The following MYL7 variants were observed in gnomAD, a reference collection of about 807,000 sequenced individuals.
MYL7 encodes myosin light chain 7.
In MYL7, 27 loss-of-function variants were observed where a neutral mutation model predicts 22.5. The ratio of observed to expected loss-of-function variants is 1.20; its 90% CI spans 0.89 to 1.66. The LOEUF (loss-of-function observed/expected upper bound fraction) is 1.66. Ranked by LOEUF, MYL7 falls within the 40% of genes most tolerant of loss-of-function variation. The probability of loss-of-function intolerance (pLI) is 0.00; values close to 1 mark genes in which losing one functional copy is unlikely to be tolerated. For synonymous variants in MYL7, 81 were observed against 84.4 expected (o/e 0.96, Z 0.22); for missense variants, 209 against 226.8 (o/e 0.92, Z 0.50).
intron 4 of MYL7, 120 bp from the exon 5 acceptor site, chr7:44,139,980 A>C: frequency 1.1e-6 from 1 of 887,650 alleles, no homozygotes; most frequent in Non-Finnish European, 1.7e-6. Flanking sequence ...GTATTCCCTA[A>C]CATAAAATGT....
chr7:44,139,849 C>T lies in MYL7; in HGVS notation c.310G>A (p.Glu104Lys), dbSNP rs200647444. Residue 104 changes from glutamate (E) to lysine (K), a missense_variant, in exon 5 of 7, where the codon GAG becomes AAG. Coordinates refer to ENST00000223364, the MANE Select transcript of MYL7 (RefSeq NM_021223.3). Reference protein sequence around the residue: ...FGEKLNGTDPEEAILSAFRMF... With the variant: ...FGEKLNGTDPKEAILSAFRMF... ...CGGAAGGCACTCAGGATGGCTTCCT[C>T]GGGGTCTGTCCCTGGAAGGCCGAGG... The T allele has an allele frequency of 5.2e-5, 83 of 1,608,664 alleles. No individual in the cohort carries two copies. Among genetic ancestry groups the T allele is most frequent in the Non-Finnish European group, 4.1e-5 (48 of 1,178,850 alleles).
intron 6 of MYL7, 98 bp downstream of exon 6, chr7:44,139,423 C>G: frequency 1.5e-6 from 2 of 1,371,898 alleles, no homozygotes; most frequent in Non-Finnish European, 1.0e-6. Flanking sequence ...TCGGCTCACC[C>G]TTCCAGCAAC....
intron 3 of MYL7, 141 bp downstream of exon 3, chr7:44,140,571 G>T: frequency 8.8e-7 from 1 of 1,140,370 alleles, no homozygotes; most frequent in Non-Finnish European, 1.2e-6. Flanking sequence ...AGCAAGGCGT[G>T]ACAAGGGGGG....
At position 44,140,806 on chromosome 7, in the gene MYL7, C is replaced by T. The variant is rs1367203027; in HGVS notation, c.118-19G>A. The T allele has an allele frequency of 5.0e-6, 8 of 1,607,332 alleles. No individual in the cohort carries two copies. In the African/African-American group the frequency reaches 1.1e-4, roughly 22 times the overall value. On this transcript the variant is annotated intron_variant, in intron 2 of 6. Coordinates refer to ENST00000223364, the MANE Select transcript of MYL7 (RefSeq NM_021223.3). Reference sequence around the variant, plus strand: ...TGAAGGCCTGTGGGATGGGGGCCTTCAGGTGGGAGCAGCCCCCAGCTCTAG... The same window carrying T: ...TGAAGGCCTGTGGGATGGGGGCCTTTAGGTGGGAGCAGCCCCCAGCTCTAG...
rs761235125 is a variant in MYL7 at position 44,139,572 on chromosome 7, G to T, written c.378-3C>A. ...GGGTCAGGAGAAGCTGCTTGAACCT[G>T]GGGGGTGAGGAGGGTCTGAGCAGGA... On this transcript the variant is annotated splice_region_variant and splice_polypyrimidine_tract_variant and intron_variant, in intron 5 of 6. Coordinates refer to ENST00000223364, the MANE Select transcript of MYL7 (RefSeq NM_021223.3). 6 of 1,604,330 alleles carry T rather than the reference G, an allele frequency of 3.7e-6. No individual in the cohort carries two copies. The highest frequency in any genetic ancestry group is 1.3e-5 in the African/African-American group (1 of 74,824).
intron 6 of MYL7, 95 bp downstream of exon 6, chr7:44,139,426 C>T (rs755494221): frequency 5.7e-6 from 8 of 1,401,038 alleles, no homozygotes; most frequent in Non-Finnish European, 8.1e-6. Flanking sequence ...GCTCACCCTT[C>T]CAGCAACTGC....
chr7:44,139,698 C>A, intron 5 of MYL7, 84 bp downstream of exon 5: 1 of 1,577,992 alleles, frequency 6.3e-7, no homozygotes, highest in Non-Finnish European at 8.6e-7. Flanking sequence ...GGCCCCGAAG[C>A]ACAGGCAGCC....
In MYL7 at chr7:44,141,057, C is replaced by A. The variant is rs765016451; in HGVS notation, c.21G>T (p.Gly7=). 1.2e-5 allele frequency: 20 copies of A among 1,613,824 alleles called. No homozygotes were observed. Among genetic ancestry groups the A allele is most frequent in the Non-Finnish European group, 1.6e-5 (19 of 1,179,938 alleles). The change falls in exon 2 of 7, where the codon GGG becomes GGT. Residue 7 remains glycine, a synonymous_variant. Coordinates refer to ENST00000223364, the MANE Select transcript of MYL7 (RefSeq NM_021223.3). Reference sequence around the variant, plus strand: ...TGGTGGCTGCCACCTTGCCCCGGGTCCCCGCCTTCCTGCTGGCCTGCAACA... The same window carrying A: ...TGGTGGCTGCCACCTTGCCCCGGGTACCCGCCTTCCTGCTGGCCTGCAACA... MASRKA[G]TRGKVAATKQ... is the part of the protein sequence containing the mutation.
chr7:44,140,405 C>T lies in MYL7; in HGVS notation c.216G>A (p.Glu72=). Residue 72 remains glutamate, a synonymous_variant, in exon 4 of 7, where the codon GAG becomes GAA. Coordinates refer to ENST00000223364, the MANE Select transcript of MYL7 (RefSeq NM_021223.3). ...SQLGKVSVPE[E]ELDAMLQEGK... is the part of the protein sequence containing the mutation. ...CCTCTTGCAGCATGGCGTCCAGCTC[C>T]TCCTCTGGGACACTCACCTTCCCTG... The T allele has an allele frequency of 1.2e-6, 2 of 1,613,922 alleles. No individual in the cohort carries two copies. Among genetic ancestry groups the T allele is most frequent in the Non-Finnish European group, 1.7e-6 (2 of 1,179,918 alleles).
chr7:44,140,581 G>A (rs1162700864), intron 3 of MYL7, 131 bp downstream of exon 3: 6 of 1,149,546 alleles, frequency 5.2e-6, no homozygotes, highest in Non-Finnish European at 7.4e-6. Flanking sequence ...GACAAGGGGG[G>A]AAGGGCAGTG....
intron 5 of MYL7, 68 bp downstream of exon 5, chr7:44,139,714 C>T: frequency 6.3e-7 from 1 of 1,587,382 alleles, no homozygotes; most frequent in Non-Finnish European, 8.6e-7. Flanking sequence ...CAGCCCCCCT[C>T]ACTAGGGGCC....
At chr7:44,139,099 C>A in intron 6 of MYL7, 77 bp from the exon 7 acceptor site, 1 of 1,116,226 alleles carries the variant, frequency 9.0e-7, no homozygotes, top group South Asian at 1.3e-5. Context: ...AGTCCTGTGG[C>A]CTTTCTGTCT....
At chr7:44,139,884 G>A (rs148519320) in intron 4 of MYL7, 24 bp from the exon 5 acceptor site, 170 of 1,584,908 alleles carry the variant, frequency 1.1e-4, no homozygotes, top group South Asian at 9.1e-4. Context: ...GCAGCCAGGT[G>A]AGCATCCATG....
chr7:44,140,297 G>C, intron 4 of MYL7, 26 bp downstream of exon 4: 2 of 1,601,272 alleles, frequency 1.2e-6, no homozygotes, highest in Non-Finnish European at 1.7e-6. Flanking sequence ...CCTGGCCAAG[G>C]GTGCCCAGCT....
At chr7:44,141,241 C>T in intron 1 of MYL7, 62 bp downstream of exon 1, 2 of 1,613,154 alleles carry the variant, frequency 1.2e-6, no homozygotes, top group Non-Finnish European at 1.7e-6. Flanking sequence ...AAACTCTGCT[C>T]CCCCAGCCCA....
chr7:44,140,828 C>T, intron 2 of MYL7, 41 bp from the exon 3 acceptor site: 1 of 1,552,670 alleles, frequency 6.4e-7, no homozygotes. Context: ...GCCCCCAGCT[C>T]TAGGGAAGGT....
At chr7:44,140,535 G>T in intron 3 of MYL7, 108 bp from the exon 4 acceptor site, 1 of 1,204,638 alleles carries the variant, frequency 8.3e-7, no homozygotes, top group Non-Finnish European at 1.2e-6. Flanking sequence ...GGCAGAGGCA[G>T]CTGTGGGTCG....
Position 44,141,300 on chromosome 7 carries a change from C to T in MYL7, c.3+3G>A, listed in dbSNP as rs760672044. On this transcript the variant is annotated splice_donor_region_variant and intron_variant, in intron 1 of 6. Coordinates refer to ENST00000223364, the MANE Select transcript of MYL7 (RefSeq NM_021223.3). ...TAGCCTTTCTTCCCCAGCAGGCACT[C>T]ACCATTCTCTCTGCAGAGGTGTGGC... 7.4e-6 allele frequency: 12 copies of T among 1,613,860 alleles called. No homozygotes were observed. The highest frequency in any genetic ancestry group is 8.5e-6 in the Non-Finnish European group (10 of 1,179,920).
chr7:44,139,335 G>T, intron 6 of MYL7, 186 bp downstream of exon 6: 1 of 757,548 alleles, frequency 1.3e-6, no homozygotes, highest in Non-Finnish European at 2.3e-6. Flanking sequence ...CCTGCCTGGC[G>T]CACCCTGCCC....
Sources: allele counts gnomAD v4.1 joint callset, GRCh38; gene constraint gnomAD v4.1.1; transcripts MANE v1.5; gene names NCBI Gene and HGNC (gene_info 2026-07-23, HGNC 2026-07-21).